The following SLC14A2 variants were observed in gnomAD, a reference collection of about 807,000 sequenced individuals.
SLC14A2 encodes solute carrier family 14 member 2, also known as urea transporter 2.
In SLC14A2, 91 loss-of-function variants were observed where a neutral mutation model predicts 104.6. The observed-to-expected ratio is 0.87, with a 90% confidence interval of 0.73 to 1.04. The LOEUF (loss-of-function observed/expected upper bound fraction) is 1.04, where lower values mean the gene tolerates loss of function less well. Ranked by LOEUF, SLC14A2 falls within the 50% of genes least tolerant of loss-of-function variation. The pLI, the probability that SLC14A2 is intolerant of heterozygous loss-of-function variation, is 0.00. For missense variants in SLC14A2, 1,189 were observed against 1,156.0 expected (o/e 1.03, Z -0.41); for synonymous variants, 476 against 466.4 (o/e 1.02, Z -0.27).
chr18:45,647,022 A>G (rs930720592), intron 10 of SLC14A2: 6 of 152,140 alleles, frequency 3.9e-5, no homozygotes, highest in African/African-American at 1.4e-4. Flanking sequence ...GCTGTGTCTC[A>G]AACTCTTTTC....
At chr18:45,429,160 T>C (rs183522207) in intron 1 of SLC14A2, among the ~76,000 whole-genome samples, 2 of 152,376 alleles carry the variant, frequency 1.3e-5, no homozygotes, top group South Asian at 2.1e-4. Context: ...TTTATTGGCA[T>C]AAAGAAATGA....
At position 45,264,753 on chromosome 18, in the gene SLC14A2, C is replaced by T. The variant is rs889940058; in HGVS notation, c.-125+51562C>T. ...ACGGCCTCCATGATTCAATTATCTCCCACGGGGTCCGTCCCATAACACATG... is the reference window on the plus strand; with the variant it reads ...ACGGCCTCCATGATTCAATTATCTCTCACGGGGTCCGTCCCATAACACATG... On this transcript the variant is annotated intron_variant, in intron 1 of 20. Transcript: ENST00000586448. Among the ~76,000 whole-genome samples, 3 of 152,104 alleles carry T rather than the reference C, an allele frequency of 2.0e-5. 1 individual carries two copies. The highest frequency in any genetic ancestry group is 2.1e-4 in the South Asian group (1 of 4,824).
Position 45,644,108 on chromosome 18 carries a change from C to T in SLC14A2, c.1299C>T (p.Asn433=). The T allele has an allele frequency of 3.1e-6, 5 of 1,614,234 alleles. No individual in the cohort carries two copies. Among genetic ancestry groups the T allele is most frequent in the Non-Finnish European group, 4.2e-6 (5 of 1,180,032 alleles). ...PLSKVTYPEA[N]RIYYLTVKSG... ...GCAAAGTCACCTACCCCGAGGCCAA[C>T]CGCATCTACTACCTGACAGTGAAAA... is the stretch of plus-strand genomic sequence containing the variant. Residue 433 remains asparagine (N), a synonymous_variant, in exon 10 of 20, where the codon AAC becomes AAT. Coordinates refer to ENST00000255226, the MANE Select transcript of SLC14A2 (RefSeq NM_007163.4).
chr18:45,413,213 T>C (rs1284915590), intron 1 of SLC14A2, among the ~76,000 whole-genome samples: 1 of 152,180 alleles, frequency 6.6e-6, no homozygotes, highest in Non-Finnish European at 1.5e-5. Flanking sequence ...TATCTACAGA[T>C]CTACAGAGAA....
At chr18:45,360,966 C>G (rs1259839069) in intron 1 of SLC14A2, among the ~76,000 whole-genome samples, 5 of 152,112 alleles carry the variant, frequency 3.3e-5, no homozygotes, top group Non-Finnish European at 7.4e-5. Context: ...TTTTTCTCTA[C>G]TCACTCCCTC....
At chr18:45,409,346 G>C (rs1429095966) in intron 1 of SLC14A2, among the ~76,000 whole-genome samples, 1 of 152,154 alleles carries the variant, frequency 6.6e-6, no homozygotes, top group African/African-American at 2.4e-5. Context: ...CTGAAAATTG[G>C]TTCTGGGGGT....
At chr18:45,210,882 A>G (rs563611373), upstream of SLC14A2, among the ~76,000 whole-genome samples, 4 of 152,348 alleles carry the variant, frequency 2.6e-5, no homozygotes, top group South Asian at 8.3e-4. Flanking sequence ...GTTAGGCTTT[A>G]TTAACACTAC....
intron 1 of SLC14A2, among the ~76,000 whole-genome samples, chr18:45,226,590 G>A (rs976522838): frequency 1.4e-5 from 2 of 147,140 alleles, no homozygotes; most frequent in Non-Finnish European, 3.0e-5. Flanking sequence ...AACACTGCAT[G>A]TTCTCACTCA....
chr18:45,480,110 CA>C (rs1160636036), intron 1 of SLC14A2, among the ~76,000 whole-genome samples: 2 of 152,048 alleles, frequency 1.3e-5, no homozygotes, highest in Admixed American at 1.3e-4. Context: ...GCCCCCAAAA[CA>C]AAAAGTATGT....
intron 9 of SLC14A2, 40 bp downstream of exon 9, chr18:45,643,221 T>C: frequency 6.4e-7 from 1 of 1,567,796 alleles, no homozygotes; most frequent in South Asian, 1.1e-5. Context: ...CAAAGTGCTC[T>C]TCCCAGAGCT....
Position 45,218,262 on chromosome 18 carries a change from A to C in SLC14A2, c.-125+5071A>C, listed in dbSNP as rs1022826804. On this transcript the variant is annotated intron_variant, in intron 1 of 20. Transcript: ENST00000586448. ...TACCTTATATAAGTAGAATCACAAA[A>C]TATTTGTTCTTTTGTTCTAGCTTAT... Among the ~76,000 whole-genome samples the C allele has an allele frequency of 7.9e-5, 12 of 152,328 alleles. No individual in the cohort carries two copies. The East Asian group carries it at 2.1e-3, about 27-fold the overall frequency.
chr18:45,327,000 A>G (rs376096434), intron 1 of SLC14A2, among the ~76,000 whole-genome samples: 21 of 152,114 alleles, frequency 1.4e-4, no homozygotes, highest in East Asian at 1.4e-3. Context: ...CAATCAATCA[A>G]TCAGTCATTC....
rs58962313 is a variant in SLC14A2, at chr18:45,388,064, C to CTTTTTTTTT, written c.-124-95147_-124-95139dup. Among the ~76,000 whole-genome samples the CTTTTTTTTT allele has an allele frequency of 1.7e-4, 12 of 69,092 alleles. 2 individuals are homozygous for CTTTTTTTTT. The highest frequency in any genetic ancestry group is 7.2e-4 in the African/African-American group (12 of 16,640). The allele number at this position is 69,092 out of a possible 152,430, so 45.3% of individuals were successfully genotyped here. A position where few individuals can be genotyped will look rare whatever the true frequency, so the allele number is the denominator to read the frequency against. ...TGCCCTAAGCTCACCTTGCTCATATCTTTTTTTTTTTTTTTTTTTTTTTTT... is the reference window on the plus strand; with the variant it reads ...TGCCCTAAGCTCACCTTGCTCATATCTTTTTTTTTTTTTTTTTTTTTTTTTTTTTTTTTT... On this transcript the variant is annotated intron_variant, in intron 1 of 20. Transcript: ENST00000586448.
chr18:45,371,541 T>A (rs1035297554), intron 1 of SLC14A2, among the ~76,000 whole-genome samples: 62 of 152,202 alleles, frequency 4.1e-4, no homozygotes, highest in African/African-American at 1.4e-3. Flanking sequence ...AACTGAGACT[T>A]AGCTAGTTAA....
chr18:45,679,055 C>A (rs1342059562), intron 19 of SLC14A2, 31 bp downstream of exon 19: 1 of 1,605,194 alleles, frequency 6.2e-7, no homozygotes, highest in Non-Finnish European at 8.5e-7. Context: ...AACGTGCCTA[C>A]AACATCCTTC....
chr18:45,168,742 G>C, the SLC14A2 span: 1 of 151,876 alleles, frequency 6.6e-6, no homozygotes, highest in Non-Finnish European at 1.5e-5. Context: ...GCATTGTTTT[G>C]GTGGAAAAGG....
chr18:45,615,095 C>G (rs1403145690), upstream of SLC14A2: 1 of 152,202 alleles, frequency 6.6e-6, no homozygotes, highest in African/African-American at 2.4e-5. Flanking sequence ...CCGCACCCGG[C>G]CATTTGCTTT....
intron 1 of SLC14A2, among the ~76,000 whole-genome samples, chr18:45,461,103 T>G (rs1252112286): frequency 6.6e-6 from 1 of 152,154 alleles, no homozygotes; most frequent in African/African-American, 2.4e-5. Flanking sequence ...CACTCCTCCC[T>G]TCCACCCAAT....
chr18:45,199,967 T>A, the SLC14A2 span, among the ~76,000 whole-genome samples: 12 of 152,268 alleles, frequency 7.9e-5, no homozygotes, highest in Admixed American at 7.8e-4. Flanking sequence ...AGTCCACATA[T>A]CCCCATTAAA....
Sources: allele counts gnomAD v4.1 joint callset (sites outside exome capture counted in the v4.1 genomes callset), GRCh38; gene constraint gnomAD v4.1.1; transcripts MANE v1.5; gene names NCBI Gene and HGNC (gene_info 2026-07-23, HGNC 2026-07-21).